The following RIMS1 variants were observed in gnomAD, a reference collection of about 807,000 sequenced individuals.
The protein encoded by RIMS1 is regulating synaptic membrane exocytosis protein 1.
RIMS1 carries 83 observed loss-of-function variants against 214.1 expected under a neutral mutation model. The observed-to-expected ratio is 0.39, with a 90% CI of 0.32 to 0.47. The LOEUF (loss-of-function observed/expected upper bound fraction) is 0.47. Ranked by LOEUF, RIMS1 falls within the 20% of genes least tolerant of loss-of-function variation. The probability of loss-of-function intolerance (pLI) is 0.99; values close to 1 mark genes in which losing one functional copy is unlikely to be tolerated. For synonymous variants in RIMS1, 793 were observed against 786.8 expected (o/e 1.01, Z -0.13); for missense variants, 2,050 against 2,161.8 (o/e 0.95, Z 1.03).
intron 5 of RIMS1, 58 bp downstream of exon 5, chr6:72,179,973 G>T (rs575603821): frequency 3.4e-6 from 4 of 1,171,464 alleles, no homozygotes; most frequent in Non-Finnish European, 4.6e-6. Flanking sequence ...GAGCAAAGCC[G>T]TTTTCAAGAA....
chr6:71,947,318 A>T (rs1322752976), intron 1 of RIMS1, among the ~76,000 whole-genome samples: 2 of 152,160 alleles, frequency 1.3e-5, no homozygotes, highest in Non-Finnish European at 2.9e-5. Flanking sequence ...ACATGAACAG[A>T]TCAATGGATA....
chr6:72,064,467 T>C (rs538376324), intron 2 of RIMS1, among the ~76,000 whole-genome samples: 32 of 152,010 alleles, frequency 2.1e-4, no homozygotes, highest in Non-Finnish European at 4.3e-4. Flanking sequence ...ATATGACTTA[T>C]CCTGTAACAC....
At chr6:72,304,280 G>A (rs775104095) in intron 26 of RIMS1, among the ~76,000 whole-genome samples, 34 of 151,690 alleles carry the variant, frequency 2.2e-4, no homozygotes, top group Middle Eastern at 6.8e-3. Context: ...TACTATTTTA[G>A]TTTTGCTCTT....
At chr6:71,992,450 C>CTTTCTTTCTT (rs762623144) in intron 2 of RIMS1, among the ~76,000 whole-genome samples, 3 of 99,176 alleles carry the variant, frequency 3.0e-5, no homozygotes, top group Admixed American at 1.0e-4. Context: ...TTCTTTCTTT[C>CTTTCTTTCTT]TCTTTCTCTT....
At chr6:72,098,289 C>CTTTTTTTTTTTT (rs58934201) in intron 3 of RIMS1, among the ~76,000 whole-genome samples, 1 of 143,346 alleles carries the variant, frequency 7.0e-6, no homozygotes. Flanking sequence ...ATCAATATAT[C>CTTTTTTTTTTTT]TTTTTTTTTT....
At chr6:71,968,410 T>TACAC (rs60480318) in intron 1 of RIMS1, among the ~76,000 whole-genome samples, 3,966 of 151,660 alleles carry the variant, frequency 0.026, 182 homozygotes, top group African/African-American at 0.09. Context: ...TTTCTTCTTT[T>TACAC]ACACACACAC....
At chr6:72,225,863 A>T (rs2060028896) in intron 6 of RIMS1, among the ~76,000 whole-genome samples, 1 of 152,198 alleles carries the variant, frequency 6.6e-6, no homozygotes, top group African/African-American at 2.4e-5. Context: ...GTGATTTGTT[A>T]TCCAGGTTAT....
chr6:72,333,482 A>G (rs939852111), intron 28 of RIMS1, 118 bp from the exon 29 acceptor site: 4 of 774,950 alleles, frequency 5.2e-6, no homozygotes, highest in Admixed American at 4.6e-5. Flanking sequence ...CCACTACTCA[A>G]CTGCATTTTC....
intron 9 of RIMS1, among the ~76,000 whole-genome samples, chr6:72,241,117 G>T (rs1310399289): frequency 6.6e-6 from 1 of 151,940 alleles, no homozygotes; most frequent in East Asian, 1.9e-4. Flanking sequence ...GCAAACAATT[G>T]GAAAAAATAA....
chr6:72,195,559 G>A (rs140224979), intron 6 of RIMS1, among the ~76,000 whole-genome samples: 1 of 152,062 alleles, frequency 6.6e-6, no homozygotes, highest in South Asian at 2.1e-4. Flanking sequence ...TGCCTGTTAA[G>A]TTTGGGTACC....
At position 71,886,908 on chromosome 6, in the gene RIMS1, T is replaced by C. The variant is rs1582802581; in HGVS notation, c.-116T>C. On this transcript the variant is annotated 5_prime_UTR_variant, in exon 1 of 34. Transcript: ENST00000521978. The stretch of plus-strand genomic sequence containing the variant: ...CTGCCGCCGCCGCCGCTGCTCCTCC[T>C]CCTGCCGCCGCCGCTAGGGCTCCGC... The C allele has an allele frequency of 8.0e-7, 1 of 1,253,690 alleles. No homozygotes were observed. The highest frequency in any genetic ancestry group is 1.1e-6 in the Non-Finnish European group (1 of 899,994). 77.7% of individuals were successfully genotyped at this position (1,253,690 alleles called of 1,614,324 possible). A position where few individuals can be genotyped will look rare whatever the true frequency, so the allele number is the denominator to read the frequency against.
At chr6:72,085,756 C>T (rs962190264) in intron 2 of RIMS1, among the ~76,000 whole-genome samples, 2 of 152,002 alleles carry the variant, frequency 1.3e-5, no homozygotes, top group Non-Finnish European at 2.9e-5. Flanking sequence ...TTAACAAGCC[C>T]CTTAGATAAT....
chr6:72,092,291 C>CCCTTCCTT (rs1554220983), intron 2 of RIMS1, among the ~76,000 whole-genome samples: 7,495 of 107,952 alleles, frequency 0.069, 360 homozygotes, highest in Middle Eastern at 0.094. Flanking sequence ...CTCCCTCCCT[C>CCCTTCCTT]CCTTCCTTCC....
At chr6:72,052,111 C>T (rs1212568103) in intron 2 of RIMS1, among the ~76,000 whole-genome samples, 1 of 152,174 alleles carries the variant, frequency 6.6e-6, no homozygotes, top group Non-Finnish European at 1.5e-5. Context: ...GTGGTTAAAA[C>T]TGTATTGAGT....
Position 72,265,995 on chromosome 6 carries a change from C to G in RIMS1, c.3344C>G (p.Ala1115Gly). 6.3e-7 allele frequency: 1 copy of G among 1,584,020 alleles called. No homozygotes were observed. The change falls in exon 22 of 34, where the codon GCT (alanine) becomes GGT (glycine). Residue 1115 changes from alanine (A) to glycine (G), a missense_variant. Physicochemically the swap from Ala to Gly is moderately conservative, Grantham distance 60. Transcript: ENST00000521978. ...LQPFLDRARS[A>G]STNCLRPDTS... ...CCCTTTCTTGACAGGGCTAGGAGTG[C>G]TAGTACCAACTGCTTGAGACCAGAT...
chr6:72,004,144 T>C (rs528364371), intron 2 of RIMS1, among the ~76,000 whole-genome samples: 15 of 151,660 alleles, frequency 9.9e-5, no homozygotes, highest in South Asian at 2.1e-4. Context: ...CTTGTGATAG[T>C]TTACTGAGAA....
intron 26 of RIMS1, chr6:72,295,915 A>G (rs1384868673): frequency 6.0e-6 from 3 of 496,800 alleles, no homozygotes; most frequent in Non-Finnish European, 5.3e-6. Context: ...TTCCATCATT[A>G]TGTGCATTTA....
intron 2 of RIMS1, among the ~76,000 whole-genome samples, chr6:72,070,697 T>C (rs1586247481): frequency 6.6e-6 from 1 of 152,150 alleles, no homozygotes; most frequent in East Asian, 1.9e-4. Context: ...TTTTTGGGGG[T>C]AGAGCCGCAA....
At chr6:71,900,929 T>C (rs186904780) in intron 1 of RIMS1, among the ~76,000 whole-genome samples, 1 of 152,222 alleles carries the variant, frequency 6.6e-6, no homozygotes, top group African/African-American at 2.4e-5. Flanking sequence ...TAATGAAGTT[T>C]CACTTTTAAA....
Sources: allele counts gnomAD v4.1 joint callset (sites outside exome capture counted in the v4.1 genomes callset), GRCh38; gene constraint gnomAD v4.1.1; transcripts MANE v1.5; gene names NCBI Gene and HGNC (gene_info 2026-07-23, HGNC 2026-07-21).